The following PKHD1 variants were observed in gnomAD, a reference collection of about 807,000 sequenced individuals.
PKHD1 encodes fibrocystin.
A neutral mutation model predicts 412.0 loss-of-function variants in PKHD1; 291 were observed. The ratio of observed to expected loss-of-function variants is 0.71; its 90% CI spans 0.64 to 0.78. PKHD1 has a LOEUF of 0.78. Ranked by LOEUF, PKHD1 falls within the 30% of genes least tolerant of loss-of-function variation. PKHD1 has a pLI of 0.00. For missense variants in PKHD1, 4,825 were observed against 4,950.7 expected (o/e 0.97, Z 0.76); for synonymous variants, 1,777 against 1,821.5 (o/e 0.98, Z 0.62).
intron 49 of PKHD1, among the ~76,000 whole-genome samples, chr6:51,851,253 G>A (rs1249120811): frequency 6.6e-6 from 1 of 152,214 alleles, no homozygotes; most frequent in Non-Finnish European, 1.5e-5. Context: ...AAGCCGACTT[G>A]ATAATGGTGG....
intron 37 of PKHD1, among the ~76,000 whole-genome samples, chr6:51,933,596 G>C (rs1786986857): frequency 6.6e-6 from 1 of 152,206 alleles, no homozygotes; most frequent in Non-Finnish European, 1.5e-5. Context: ...TCACATACAT[G>C]AGAGCAGTAG....
At chr6:51,745,760 TGTTATAGCAGCACAAACA>T (rs1193500659) in intron 59 of PKHD1, among the ~76,000 whole-genome samples, 3 of 152,180 alleles carry the variant, frequency 2.0e-5, no homozygotes, top group African/African-American at 7.2e-5. Flanking sequence ...TGTGGTACTT[TGTTATAGCAGCACAAACA>T]GACTAAGACA....
At chr6:51,997,686 T>G (rs571507902) in intron 35 of PKHD1, among the ~76,000 whole-genome samples, 47 of 152,182 alleles carry the variant, frequency 3.1e-4, no homozygotes, top group Non-Finnish European at 3.5e-4. Flanking sequence ...ACAAAGAAAG[T>G]GATTAATTTC....
chr6:51,848,641 G>A (rs142616647), intron 49 of PKHD1, among the ~76,000 whole-genome samples: 9 of 152,206 alleles, frequency 5.9e-5, no homozygotes, highest in East Asian at 3.9e-4. Flanking sequence ...GTGCTCTCAC[G>A]GGAATCTCAA....
chr6:51,645,742 T>C lies in PKHD1; in HGVS notation c.11398+2289A>G, dbSNP rs191302751. ...TTTGAAATCACAAAGAATTTATAAA[T>C]TATTTCTCATCTAAAATAGCAACAC... On this transcript the variant is annotated intron_variant, in intron 63 of 66. Transcript: ENST00000371117. Among the ~76,000 whole-genome samples the C allele has an allele frequency of 2.3e-3, 350 of 152,302 alleles. 1 individual carries two copies. The highest frequency in any genetic ancestry group is 3.6e-3 in the Non-Finnish European group (242 of 68,024).
At chr6:51,675,763 G>C (rs1775737715) in intron 60 of PKHD1, among the ~76,000 whole-genome samples, 1 of 152,198 alleles carries the variant, frequency 6.6e-6, no homozygotes, top group African/African-American at 2.4e-5. Flanking sequence ...AGGGTGGACA[G>C]GGCTTAATAA....
At chr6:51,952,809 G>T (rs778390414) in intron 36 of PKHD1, among the ~76,000 whole-genome samples, 33 of 152,004 alleles carry the variant, frequency 2.2e-4, no homozygotes, top group Middle Eastern at 3.2e-3. Context: ...CTGGATAATG[G>T]CACAGACCAG....
At chr6:52,014,196 A>G (rs906292278) in intron 34 of PKHD1, among the ~76,000 whole-genome samples, 3 of 152,208 alleles carry the variant, frequency 2.0e-5, no homozygotes, top group African/African-American at 4.8e-5. Context: ...AAAACTCGAC[A>G]GTTCTTTTGC....
intron 29 of PKHD1, among the ~76,000 whole-genome samples, chr6:52,028,929 GT>G (rs1317830274): frequency 2.0e-5 from 3 of 152,246 alleles, no homozygotes; most frequent in Non-Finnish European, 4.4e-5. Context: ...AAATCAAGAA[GT>G]TTGCAGAGCT....
chr6:51,933,729 A>G (rs561315818), intron 37 of PKHD1, among the ~76,000 whole-genome samples: 1 of 152,356 alleles, frequency 6.6e-6, no homozygotes, highest in South Asian at 2.1e-4. Flanking sequence ...GCATCGTAAC[A>G]GGTCTTAAAA....
At chr6:51,647,376 T>C (rs1010460281) in intron 63 of PKHD1, among the ~76,000 whole-genome samples, 1 of 152,160 alleles carries the variant, frequency 6.6e-6, no homozygotes, top group Non-Finnish European at 1.5e-5. Flanking sequence ...TTCTGCAGAA[T>C]ATGTTGCCAA....
intron 36 of PKHD1, among the ~76,000 whole-genome samples, chr6:51,938,676 A>G (rs1266900): frequency 0.7 from 104,967 of 151,018 alleles, 37,779 homozygotes; most frequent in East Asian, 0.94. Flanking sequence ...CTCTTCACAC[A>G]GACGCAAGTG....
In PKHD1 at chr6:51,971,670, G is replaced by A. The variant is rs1484332134; in HGVS notation, c.5752-11644C>T. Among the ~76,000 whole-genome samples the A allele has an allele frequency of 2.6e-5, 4 of 151,838 alleles. 1 individual carries two copies. The highest frequency in any genetic ancestry group is 5.9e-5 in the Non-Finnish European group (4 of 67,984). On this transcript the variant is annotated intron_variant, in intron 35 of 66. Transcript: ENST00000371117. ...GGATATGTGTGCTTAGGGGGATAACGAAGTTTTTTGTTTGTTTTTTGGGTT... is the reference window on the plus strand; with the variant it reads ...GGATATGTGTGCTTAGGGGGATAACAAAGTTTTTTGTTTGTTTTTTGGGTT...
chr6:51,627,674 C>G (rs999250354), intron 65 of PKHD1, among the ~76,000 whole-genome samples: 22 of 152,072 alleles, frequency 1.4e-4, no homozygotes, highest in African/African-American at 5.1e-4. Context: ...AGCATCTTCA[C>G]CCAGCCTTCT....
In PKHD1 at chr6:51,836,303, T is replaced by A. The variant is rs55777546; in HGVS notation, c.8173+101A>T. On this transcript the variant is annotated intron_variant, in intron 51 of 66. Transcript: ENST00000371117. ...TCAGACATATAAGCTTTAGGACTGA[T>A]ACCTGCCTGTTTATTAACAGTATGA... is the stretch of plus-strand genomic sequence containing the variant. The A allele has an allele frequency of 0.1, 85,292 of 817,726 alleles. 4,910 individuals carry two copies. Among genetic ancestry groups the A allele is most frequent in the East Asian group, 0.17 (6,632 of 40,104 alleles). The allele number at this position is 817,726 out of a possible 1,614,324, so 50.7% of individuals were successfully genotyped here.
chr6:51,933,723 C>T (rs949011188), intron 37 of PKHD1, among the ~76,000 whole-genome samples: 1 of 152,200 alleles, frequency 6.6e-6, no homozygotes, highest in African/African-American at 2.4e-5. Context: ...GCTAAAGCAT[C>T]GTAACAGGTC....
rs773044015 is a variant in PKHD1 at position 51,619,388 on chromosome 6, G to C, written c.11918C>G (p.Thr3973Ser). The C allele has an allele frequency of 6.2e-7, 1 of 1,613,832 alleles. No homozygotes were observed. Among genetic ancestry groups the C allele is most frequent in the Non-Finnish European group, 8.5e-7 (1 of 1,179,696 alleles). Reference protein sequence around the residue: ...EEAAVPAPGTTGITSHGHICA... With the variant: ...EEAAVPAPGTSGITSHGHICA... ...GATGTGCCCATGGGATGTGATGCCA[G>C]TAGTACCAGGAGCAGGCACAGCAGC... Residue 3973 changes from threonine (T) to serine (S), a missense_variant, in exon 67 of 67, where the codon ACT becomes AGT. Coordinates refer to ENST00000371117, the MANE Select transcript of PKHD1 (RefSeq NM_138694.4).
Position 51,994,901 on chromosome 6 carries a change from G to A in PKHD1, c.5751+15408C>T, listed in dbSNP as rs78397524. 8.4e-3 allele frequency among the ~76,000 whole-genome samples: 1,274 copies of A among 152,108 alleles called. 8 individuals are homozygous for A. The highest frequency in any genetic ancestry group is 0.014 in the Non-Finnish European group (938 of 67,996). On this transcript the variant is annotated intron_variant, in intron 35 of 66. Transcript: ENST00000371117. The stretch of plus-strand genomic sequence containing the variant: ...CCCAGCCATGAGGTTTTCCCCAGAC[G>A]TGCCTCCAAGCACACAGGTAGGTAA...
chr6:52,062,328 T>C (rs1420481098), intron 14 of PKHD1, among the ~76,000 whole-genome samples, 191 bp downstream of exon 14: 1 of 152,254 alleles, frequency 6.6e-6, no homozygotes, highest in Non-Finnish European at 1.5e-5. Context: ...ACATATTACA[T>C]ATTGATCAAA....
Sources: allele counts gnomAD v4.1 joint callset (sites outside exome capture counted in the v4.1 genomes callset), GRCh38; gene constraint gnomAD v4.1.1; transcripts MANE v1.5; gene names NCBI Gene and HGNC (gene_info 2026-07-23, HGNC 2026-07-21).